CERKL: variants seen among roughly 807,000 people sequenced by gnomAD.
CERKL encodes ceramide kinase-like protein.
In CERKL, 61 loss-of-function variants were observed where a neutral mutation model predicts 63.4. That is an observed-to-expected ratio of 0.96 (90% CI 0.78 to 1.19). The LOEUF (loss-of-function observed/expected upper bound fraction) is 1.19, where lower values mean the gene tolerates loss of function less well. Ranked by LOEUF, CERKL falls within the 50% of genes most tolerant of loss-of-function variation. CERKL has a pLI of 0.00. For synonymous variants in CERKL, 250 were observed against 230.5 expected (o/e 1.08, Z -0.77); for missense variants, 675 against 655.5 (o/e 1.03, Z -0.33).
At chr2:181,616,960 C>T (rs1307346315) in intron 1 of CERKL, among the ~76,000 whole-genome samples, 1 of 151,680 alleles carries the variant, frequency 6.6e-6, no homozygotes, top group Non-Finnish European at 1.5e-5. Flanking sequence ...AGGGTAAAAA[C>T]GATTTTTATA....
chr2:181,629,954 T>C (rs934683902), intron 1 of CERKL, among the ~76,000 whole-genome samples: 9 of 118,972 alleles, frequency 7.6e-5, no homozygotes, highest in African/African-American at 1.2e-4. Context: ...ACATTAACCA[T>C]TGTCTTGGAA....
At chr2:181,560,102 A>C (rs556591551) in intron 4 of CERKL, among the ~76,000 whole-genome samples, 9 of 152,326 alleles carry the variant, frequency 5.9e-5, no homozygotes, top group African/African-American at 2.2e-4. Context: ...AATAGGCCAC[A>C]GTCCCATCTT....
intron 1 of CERKL, among the ~76,000 whole-genome samples, chr2:181,633,330 C>T (rs565013916): frequency 1.3e-5 from 2 of 152,314 alleles, no homozygotes; most frequent in South Asian, 4.1e-4. Context: ...GAAATGATGA[C>T]ATGCTTCGAG....
chr2:181,643,957 G>T (rs1417573391), intron 1 of CERKL, among the ~76,000 whole-genome samples: 4 of 152,178 alleles, frequency 2.6e-5, no homozygotes, highest in African/African-American at 9.7e-5. Flanking sequence ...TCAAATAAAA[G>T]CTTACCCCTT....
chr2:181,566,037 T>G (rs1340124880), intron 4 of CERKL, 21 bp downstream of exon 4: 1 of 1,489,380 alleles, frequency 6.7e-7, no homozygotes, highest in South Asian at 1.1e-5. Flanking sequence ...ATAACATATA[T>G]TGATTAATAA....
chr2:181,586,877 A>C (rs1684790974), intron 2 of CERKL, among the ~76,000 whole-genome samples: 1 of 152,210 alleles, frequency 6.6e-6, no homozygotes, highest in African/African-American at 2.4e-5. Context: ...GGTGTTCATC[A>C]AAGTTAAGAG....
intron 1 of CERKL, among the ~76,000 whole-genome samples, chr2:181,626,647 A>C (rs932970112): frequency 1.3e-5 from 2 of 152,256 alleles, no homozygotes; most frequent in Non-Finnish European, 2.9e-5. Flanking sequence ...TCAGAAAGGA[A>C]ATCAAGGTAC....
rs1237122082 is a variant in CERKL, at chr2:181,536,980, A to C, written c.*1204T>G. The C allele has an allele frequency of 6.6e-6, 3 of 452,342 alleles. No homozygotes were observed. The highest frequency in any genetic ancestry group is 3.1e-5 in the South Asian group (2 of 63,980). 28.0% of individuals were successfully genotyped at this position (452,342 alleles called of 1,614,324 possible). The stretch of plus-strand genomic sequence containing the variant: ...CTAGCCAGCCATCCTAATTGATGAA[A>C]GTTATCTGTTCACAGGCCTGCAGTG... On this transcript the variant is annotated 3_prime_UTR_variant, in exon 13 of 13. Coordinates refer to ENST00000410087, the MANE Select transcript of CERKL (RefSeq NM_201548.5).
At chr2:181,617,813 T>G (rs977015496) in intron 1 of CERKL, among the ~76,000 whole-genome samples, 4 of 152,224 alleles carry the variant, frequency 2.6e-5, no homozygotes, top group African/African-American at 9.6e-5. Flanking sequence ...TTTAAGAAAT[T>G]AGCACTTGAT....
chr2:181,577,445 G>T (rs1396230698), intron 2 of CERKL, among the ~76,000 whole-genome samples: 1 of 152,026 alleles, frequency 6.6e-6, no homozygotes, highest in Non-Finnish European at 1.5e-5. Context: ...AATATCTCCA[G>T]GACCAGTGGT....
intron 11 of CERKL, among the ~76,000 whole-genome samples, chr2:181,543,022 G>C (rs770225549): frequency 2.0e-5 from 3 of 152,058 alleles, no homozygotes; most frequent in Middle Eastern, 3.2e-3. Flanking sequence ...AATAAATACA[G>C]AACTTCTCAG....
At chr2:181,641,887 GTCTAACT>G (rs1361219087) in intron 1 of CERKL, among the ~76,000 whole-genome samples, 5 of 152,156 alleles carry the variant, frequency 3.3e-5, no homozygotes, top group Admixed American at 1.3e-4. Flanking sequence ...ATTTCAGGAA[GTCTAACT>G]GGACAGCCCT....
chr2:181,544,264 G>C (rs1687631599), intron 11 of CERKL, among the ~76,000 whole-genome samples: 2 of 152,118 alleles, frequency 1.3e-5, no homozygotes, highest in Admixed American at 6.5e-5. Flanking sequence ...CATATCTACA[G>C]ATCTATTTCA....
chr2:181,641,686 C>G (rs1687449089), intron 1 of CERKL, among the ~76,000 whole-genome samples: 1 of 152,152 alleles, frequency 6.6e-6, no homozygotes, highest in South Asian at 2.1e-4. Context: ...ATTTTCAACT[C>G]TCCATGTGTC....
Position 181,571,349 on chromosome 2 carries a change from T to C in CERKL, c.613+2404A>G, listed in dbSNP as rs369418727. Among the ~76,000 whole-genome samples, 99 of 152,258 alleles carry C rather than the reference T, an allele frequency of 6.5e-4. 1 individual carries two copies. In the East Asian group the frequency reaches 0.014, roughly 21 times the overall value. ...AATATTCTATTGTTTTATGTTTAAA[T>C]ATGGTACTTAGTAATATTTACAAAT... is the stretch of plus-strand genomic sequence containing the variant. On this transcript the variant is annotated intron_variant, in intron 3 of 12. Coordinates refer to ENST00000410087, the MANE Select transcript of CERKL (RefSeq NM_201548.5).
intron 10 of CERKL, among the ~76,000 whole-genome samples, chr2:181,545,479 C>G (rs1038756546): frequency 3.9e-5 from 6 of 152,164 alleles, no homozygotes; most frequent in African/African-American, 1.4e-4. Flanking sequence ...CAAATGACTT[C>G]TAGCTTGATT....
chr2:181,599,183 A>G (rs530448047), intron 2 of CERKL, among the ~76,000 whole-genome samples: 1 of 152,336 alleles, frequency 6.6e-6, no homozygotes, highest in East Asian at 1.9e-4. Context: ...AGCCATATTA[A>G]GATAAAACCA....
chr2:181,560,137 G>T (rs910289057), intron 4 of CERKL, among the ~76,000 whole-genome samples: 1 of 152,122 alleles, frequency 6.6e-6, no homozygotes, highest in African/African-American at 2.4e-5. Context: ...ACCAAGGTTT[G>T]ACTTGAAACT....
rs75317760 is a variant in CERKL at position 181,539,091 on chromosome 2, C to T, written c.1538+1G>A. The T allele has an allele frequency of 1.9e-6, 3 of 1,579,164 alleles. No homozygotes were observed. Among genetic ancestry groups the T allele is most frequent in the Admixed American group, 3.3e-5 (2 of 59,926 alleles). The stretch of plus-strand genomic sequence containing the variant: ...ATAAGCGGTGAAATAAATAGACTTA[C>T]CTAATATGGACCTCTGATGCAACTT... On this transcript the variant is annotated splice_donor_variant, in intron 12 of 12. Coordinates refer to ENST00000410087, the MANE Select transcript of CERKL (RefSeq NM_201548.5). LOFTEE classifies it high-confidence loss of function.
Sources: gnomAD v4.1 joint callset for allele counts (sites outside exome capture counted in the v4.1 genomes callset) on GRCh38, gnomAD v4.1.1 for gene constraint, MANE v1.5 for transcripts, NCBI Gene and HGNC (gene_info 2026-07-23, HGNC 2026-07-21) for gene names.